Variants in UQCRC2 observed in about 807,000 individuals in gnomAD.
UQCRC2 encodes the protein cytochrome b-c1 complex subunit 2, mitochondrial.
UQCRC2 carries 49 observed loss-of-function variants against 55.6 expected under a neutral mutation model. That is an observed-to-expected ratio of 0.88 (90% CI 0.70 to 1.12). The LOEUF (loss-of-function observed/expected upper bound fraction) is 1.12. Ranked by LOEUF, UQCRC2 falls within the 50% of genes most tolerant of loss-of-function variation. The pLI is 0.00. For synonymous variants in UQCRC2, 193 were observed against 192.0 expected (o/e 1.01, Z -0.04); for missense variants, 506 against 547.8 (o/e 0.92, Z 0.76).
rs1314486710 is a variant in UQCRC2 at position 21,960,547 on chromosome 16, C to G, written c.333-1913C>G. Among the ~76,000 whole-genome samples the G allele has an allele frequency of 2.0e-5, 3 of 152,186 alleles. No individual in the cohort carries two copies. In the East Asian group the frequency reaches 5.8e-4, roughly 29 times the overall value. On this transcript the variant is annotated intron_variant, in intron 4 of 13. Coordinates refer to ENST00000268379, the MANE Select transcript of UQCRC2 (RefSeq NM_003366.4). ...GTGGAGTAGCACTATTAGTTTTCTT[C>G]AAGAACTGCACTGGTGCAAGAGGCC...
Position 21,971,582 on chromosome 16 carries a change from G to A in UQCRC2, c.728G>A (p.Gly243Glu). The A allele has an allele frequency of 1.9e-6, 3 of 1,614,130 alleles. No homozygotes were observed. The highest frequency in any genetic ancestry group is 2.5e-6 in the Non-Finnish European group (3 of 1,180,002). The change falls in exon 9 of 14, where the codon GGG (glycine) becomes GAG (glutamate). Residue 243 changes from glycine (G) to glutamate (E), a missense_variant. Transcript: ENST00000268379. The stretch of plus-strand genomic sequence containing the variant: ...GAACAGTTTCTCAACATGAGGGGTG[G>A]GCTTGGTTTATCTGGTGCAAAGGCC... ...VAEQFLNMRG[G>E]LGLSGAKANY...
intron 13 of UQCRC2, 139 bp from the exon 14 acceptor site, chr16:21,982,949 G>C (rs1898768824): frequency 1.3e-6 from 1 of 760,002 alleles, no homozygotes; most frequent in African/African-American, 1.9e-5. Context: ...GGGTGACAGA[G>C]CGAGACTCCA....
chr16:21,974,846 A>C (rs1169351074), intron 11 of UQCRC2, among the ~76,000 whole-genome samples: 1 of 152,228 alleles, frequency 6.6e-6, no homozygotes, highest in East Asian at 1.9e-4. Flanking sequence ...AGACAGGCTA[A>C]TATTGGAAGA....
chr16:21,978,958 C>T (rs929900105), intron 12 of UQCRC2, among the ~76,000 whole-genome samples: 4 of 152,076 alleles, frequency 2.6e-5, no homozygotes, highest in Non-Finnish European at 5.9e-5. Context: ...CAGACACCCC[C>T]GAAACCTGCC....
intron 11 of UQCRC2, 25 bp from the exon 12 acceptor site, chr16:21,976,142 G>T: frequency 6.3e-7 from 1 of 1,591,910 alleles, no homozygotes; most frequent in South Asian, 1.1e-5. Flanking sequence ...GACCACAGAT[G>T]ACCAACTTTT....
chr16:21,970,145 C>G (rs2050276053), intron 8 of UQCRC2, among the ~76,000 whole-genome samples: 2 of 152,186 alleles, frequency 1.3e-5, no homozygotes, highest in African/African-American at 4.8e-5. Context: ...TGTGTCAATT[C>G]AATGTCTTAT....
At position 21,971,635 on chromosome 16, in the gene UQCRC2, C is replaced by G. The variant is rs372070369; in HGVS notation, c.766+15C>G. The G allele has an allele frequency of 7.5e-6, 12 of 1,610,422 alleles. No homozygotes were observed. In the Admixed American group the frequency reaches 8.4e-5, roughly 11 times the overall value. On this transcript the variant is annotated intron_variant, in intron 9 of 13. Transcript: ENST00000268379. Reference sequence around the variant, plus strand: ...CTACCGTGGAGGTAAGCATTTCATTCTATTAGGGTTAATTTATCAGAAGGG... The same window carrying G: ...CTACCGTGGAGGTAAGCATTTCATTGTATTAGGGTTAATTTATCAGAAGGG...
Position 21,980,692 on chromosome 16 carries a change from A to G in UQCRC2, c.1270A>G (p.Ile424Val). Reference sequence around the variant, plus strand: ...GATTGATTCAGTGGCTAATGCTGATATCATAAATGTAAGTAAATGAAAACT... The same window carrying G: ...GATTGATTCAGTGGCTAATGCTGATGTCATAAATGTAAGTAAATGAAAACT... ...QQIDSVANADIINAAKKFVSG... is the reference protein window; with the variant it reads ...QQIDSVANADVINAAKKFVSG... Residue 424 changes from isoleucine (I) to valine (V), a missense_variant, in exon 13 of 14, where the codon ATC (isoleucine) becomes GTC (valine). Physicochemically the swap from Ile to Val is conservative, Grantham distance 29. Coordinates refer to ENST00000268379, the MANE Select transcript of UQCRC2 (RefSeq NM_003366.4). The G allele has an allele frequency of 6.2e-7, 1 of 1,612,392 alleles. No homozygotes were observed.
At chr16:21,976,134 C>A (rs1898579008) in intron 11 of UQCRC2, 33 bp from the exon 12 acceptor site, 6 of 1,540,718 alleles carry the variant, frequency 3.9e-6, no homozygotes, top group Non-Finnish European at 5.4e-6. Context: ...CTGGTACTGA[C>A]CACAGATGAC....
intron 1 of UQCRC2, among the ~76,000 whole-genome samples, chr16:21,955,310 T>C (rs1597948091): frequency 6.6e-6 from 1 of 152,168 alleles, no homozygotes; most frequent in African/African-American, 2.4e-5. Context: ...TGAAAAGCAG[T>C]ACTAAAAGCA....
chr16:21,976,299 T>C, intron 12 of UQCRC2, 56 bp downstream of exon 12: 1 of 1,415,422 alleles, frequency 7.1e-7, no homozygotes, highest in Middle Eastern at 1.8e-4. Flanking sequence ...GTTGTATTCT[T>C]TTCAGATTAT....
At position 21,964,371 on chromosome 16, in the gene UQCRC2, A is replaced by G. The variant is rs956643973; in HGVS notation, c.515-1037A>G. Among the ~76,000 whole-genome samples, 4 of 152,124 alleles carry G rather than the reference A, an allele frequency of 2.6e-5. No individual in the cohort carries two copies. In the South Asian group the frequency reaches 6.2e-4, roughly 24 times the overall value. ...GCCTCCAGGTTTACGTCTTGAGTCCATCTCCCACACGGCCATTACAGTGAT... is the reference window on the plus strand; with the variant it reads ...GCCTCCAGGTTTACGTCTTGAGTCCGTCTCCCACACGGCCATTACAGTGAT... On this transcript the variant is annotated intron_variant, in intron 6 of 13. Coordinates refer to ENST00000268379, the MANE Select transcript of UQCRC2 (RefSeq NM_003366.4).
intron 6 of UQCRC2, among the ~76,000 whole-genome samples, chr16:21,964,975 C>A (rs1454582249): frequency 6.6e-6 from 1 of 152,178 alleles, no homozygotes; most frequent in Non-Finnish European, 1.5e-5. Context: ...CATTGGTCCC[C>A]TGAAAGCTAC....
chr16:21,968,858 G>A (rs1708416055), intron 8 of UQCRC2, among the ~76,000 whole-genome samples, 173 bp downstream of exon 8: 1 of 152,168 alleles, frequency 6.6e-6, no homozygotes, highest in African/African-American at 2.4e-5. Context: ...TTGGAAAGCA[G>A]AATCCAACAT....
chr16:21,963,442 TTTCC>T (rs1325525522), intron 6 of UQCRC2, among the ~76,000 whole-genome samples: 2 of 152,044 alleles, frequency 1.3e-5, no homozygotes, highest in Admixed American at 6.6e-5. Context: ...GTTTTTCCTG[TTTCC>T]TTCCCAATGT....
intron 1 of UQCRC2, among the ~76,000 whole-genome samples, chr16:21,956,019 T>C (rs1898080944): frequency 6.6e-6 from 1 of 152,156 alleles, no homozygotes; most frequent in South Asian, 2.1e-4. Flanking sequence ...GAGATGGGGT[T>C]TCTCCATGTT....
chr16:21,957,591 G>C, intron 3 of UQCRC2, 25 bp downstream of exon 3: 1 of 1,609,842 alleles, frequency 6.2e-7, no homozygotes, highest in Non-Finnish European at 8.5e-7. Flanking sequence ...TTCCTCAAGT[G>C]TTTGGAAATG....
At chr16:21,957,361 A>G in intron 2 of UQCRC2, 43 bp downstream of exon 2, 1 of 1,613,490 alleles carries the variant, frequency 6.2e-7, no homozygotes, top group Non-Finnish European at 8.5e-7. Flanking sequence ...TACATGCCTT[A>G]CTCTCCTTGG....
intron 6 of UQCRC2, 35 bp from the exon 7 acceptor site, chr16:21,965,373 G>T (rs1231103959): frequency 6.3e-7 from 1 of 1,592,420 alleles, no homozygotes. Flanking sequence ...TACTGAAAGT[G>T]CATTTCCCTA....
Sources: allele counts gnomAD v4.1 joint callset (sites outside exome capture counted in the v4.1 genomes callset), GRCh38; gene constraint gnomAD v4.1.1; transcripts MANE v1.5; gene names NCBI Gene and HGNC (gene_info 2026-07-23, HGNC 2026-07-21).